The following SULT1A4 variants were observed in gnomAD, a reference collection of about 807,000 sequenced individuals.
SULT1A4 encodes the protein sulfotransferase family 1A member 4.
For missense variants in SULT1A4, 4 were observed against 40.6 expected, an observed-to-expected ratio of 0.10 and a Z score of 2.45; for synonymous variants, 3 against 19.4, an observed-to-expected ratio of 0.15 and a Z score of 2.22.
intron 4 of SULT1A4, among the ~76,000 whole-genome samples, chr16:29,462,389 C>A (rs1249814585): frequency 2.0e-5 from 3 of 147,342 alleles, no homozygotes; most frequent in East Asian, 4.2e-4. Context: ...TGCTCTGTCA[C>A]CCTGGCTGGA....
chr16:29,462,757 T>C (rs1964888024), intron 4 of SULT1A4: 2 of 31,022 alleles, frequency 6.4e-5, no homozygotes, highest in South Asian at 3.0e-4. Context: ...ATTCTCCTGC[T>C]TCAGCCTCCC....
intron 4 of SULT1A4, chr16:29,462,687 G>A (rs1393332906): frequency 1.4e-5 from 1 of 71,836 alleles, no homozygotes; most frequent in African/African-American, 1.1e-4. Context: ...TTGTTGCCGA[G>A]GCTAGAGCGC....
intron 4 of SULT1A4, among the ~76,000 whole-genome samples, chr16:29,462,333 C>T (rs1280980972): frequency 6.7e-6 from 1 of 148,558 alleles, no homozygotes; most frequent in Non-Finnish European, 1.5e-5. Flanking sequence ...GGCCTCCTCG[C>T]TTCTGCCAGG....
intron 1 of SULT1A4, among the ~76,000 whole-genome samples, 181 bp from the exon 2 acceptor site, chr16:29,461,201 G>A (rs1330949644): frequency 1.8e-4 from 11 of 60,180 alleles, no homozygotes; most frequent in East Asian, 5.2e-4. Flanking sequence ...ATGCCGAGGC[G>A]GGAGGATTGC....
Sources: allele counts gnomAD v4.1 joint callset (sites outside exome capture counted in the v4.1 genomes callset), GRCh38; gene constraint gnomAD v4.1.1; transcripts MANE v1.5; gene names NCBI Gene and HGNC (gene_info 2026-07-23, HGNC 2026-07-21).